Variants in NKD2 observed in about 807,000 individuals in gnomAD.
NKD2 encodes the protein protein naked cuticle homolog 2.
A neutral mutation model predicts 34.8 loss-of-function variants in NKD2; 43 were observed. The observed-to-expected ratio is 1.24, with a 90% confidence interval of 0.97 to 1.60. NKD2 has a LOEUF of 1.60. Ranked by LOEUF, NKD2 falls within the 40% of genes most tolerant of loss-of-function variation. The pLI, the probability that NKD2 is intolerant of heterozygous loss-of-function variation, is 0.00. For missense variants in NKD2, 675 were observed against 627.1 expected, an observed-to-expected ratio of 1.08 and a Z score of -0.82; for synonymous variants, 278 against 265.1, an observed-to-expected ratio of 1.05 and a Z score of -0.47.
chr5:1,031,946 A>G (rs1756659923), intron 3 of NKD2, among the ~76,000 whole-genome samples: 1 of 152,190 alleles, frequency 6.6e-6, no homozygotes, highest in Non-Finnish European at 1.5e-5. Context: ...GAACCTGACA[A>G]CACAGGAATG....
At chr5:1,013,392 A>G (rs1036900702) in intron 3 of NKD2, among the ~76,000 whole-genome samples, 1 of 152,008 alleles carries the variant, frequency 6.6e-6, no homozygotes, top group Admixed American at 6.5e-5. Flanking sequence ...CCGTGTTCCT[A>G]CCCTGGGATG....
chr5:1,037,878 G>T lies in NKD2; in HGVS notation c.861G>T (p.Gln287His). Reference protein sequence around the residue: ...ASHLQARSRSQEPDTHAVHHR... With the variant: ...ASHLQARSRSHEPDTHAVHHR... ...ACCTCCAGGCCCGGTCCCGCTCCCA[G>T]GAGCCAGATACACATGCCGTACACC... is the stretch of plus-strand genomic sequence containing the variant. Residue 287 changes from glutamine to histidine, a missense_variant, in exon 10 of 10, where the codon CAG becomes CAT. Transcript: ENST00000296849. The T allele has an allele frequency of 6.2e-7, 1 of 1,604,652 alleles. No homozygotes were observed.
chr5:1,028,835 A>G lies in NKD2; in HGVS notation c.142-3317A>G, dbSNP rs1043856733. 4.0e-5 allele frequency among the ~76,000 whole-genome samples: 6 copies of G among 150,226 alleles called. No individual in the cohort carries two copies. In the East Asian group the frequency reaches 1.2e-3, roughly 30 times the overall value. On this transcript the variant is annotated intron_variant, in intron 3 of 9. Coordinates refer to ENST00000296849, the MANE Select transcript of NKD2 (RefSeq NM_033120.4). Reference sequence around the variant, plus strand: ...AGTGAGGGTAGGGTGGGTCCTCAGGAGGGCGAGGCCAGGTGGGGGCTGCAT... The same window carrying G: ...AGTGAGGGTAGGGTGGGTCCTCAGGGGGGCGAGGCCAGGTGGGGGCTGCAT...
At position 1,009,420 on chromosome 5, in the gene NKD2, C is replaced by G. The variant is rs1560979975; in HGVS notation, c.62-61C>G. 1.4e-6 allele frequency: 2 copies of G among 1,390,360 alleles called. No homozygotes were observed. Among genetic ancestry groups the G allele is most frequent in the Non-Finnish European group, 9.6e-7 (1 of 1,039,362 alleles). 86.1% of individuals were successfully genotyped at this position (1,390,360 alleles called of 1,614,324 possible). ...GCGAAGGCGCAGCGCCCGCGGGGCTCACGGCGCGTCTCTTTCCCTCCTCGG... is the reference window on the plus strand; with the variant it reads ...GCGAAGGCGCAGCGCCCGCGGGGCTGACGGCGCGTCTCTTTCCCTCCTCGG... On this transcript the variant is annotated intron_variant, in intron 2 of 9. Coordinates refer to ENST00000296849, the MANE Select transcript of NKD2 (RefSeq NM_033120.4). The surrounding 1 kb of genome is among the most constrained non-coding windows in gnomAD (Gnocchi z 6.9).
intron 7 of NKD2, 62 bp from the exon 8 acceptor site, chr5:1,035,327 T>A: frequency 1.6e-6 from 2 of 1,278,694 alleles, no homozygotes; most frequent in East Asian, 2.5e-5. Flanking sequence ...AATGAGTGAA[T>A]GAATGAGTGA....
chr5:1,027,876 G>A (rs552566302), intron 3 of NKD2, among the ~76,000 whole-genome samples: 4 of 152,356 alleles, frequency 2.6e-5, no homozygotes, highest in South Asian at 2.1e-4. Flanking sequence ...TGCCTGCACC[G>A]GCACTTCCAG....
chr5:1,035,050 G>A (rs975067857), intron 7 of NKD2, 147 bp downstream of exon 7: 4 of 719,936 alleles, frequency 5.6e-6, no homozygotes, highest in African/African-American at 5.4e-5. Flanking sequence ...GTAAGTGGGT[G>A]AGTGAGTGAG....
Position 1,032,206 on chromosome 5 carries a change from C to A in NKD2, c.196C>A (p.Leu66Ile), listed in dbSNP as rs1186205534. The change falls in exon 4 of 10, where the codon CTA becomes ATA. Residue 66 changes from leucine (L) to isoleucine (I), a missense_variant. By Grantham distance (5) the Leu-to-Ile change is conservative. Transcript: ENST00000296849. ...GCCTTTCCGGGAGGACCAGTGTCCC[C>A]TACAGGGTGAGTGCAGCTCCCGCAG... ...EGPFREDQCP[L>I]QVALPAEKAE... 6.2e-7 allele frequency: 1 copy of A among 1,609,134 alleles called. No homozygotes were observed.
rs897366376 is a variant in NKD2 at position 1,032,239 on chromosome 5, T to C, written c.202+27T>C. 6.4e-6 allele frequency: 10 copies of C among 1,572,092 alleles called. No homozygotes were observed. The African/African-American group carries it at 9.5e-5, about 15-fold the overall frequency. On this transcript the variant is annotated intron_variant, in intron 4 of 9. Transcript: ENST00000296849. The stretch of plus-strand genomic sequence containing the variant: ...TGAGTGCAGCTCCCGCAGCCCTCCC[T>C]CCCCAAACTCACAGACTTCATCCCG...
At position 1,026,424 on chromosome 5, in the gene NKD2, C is replaced by T. The variant is rs1211591970; in HGVS notation, c.142-5728C>T. ...CGCTGTGGGCGTCCCAGCCCTTTTT[C>T]CCTGCTCTTCCCACCCTCTGTGGGC... On this transcript the variant is annotated intron_variant, in intron 3 of 9. Coordinates refer to ENST00000296849, the MANE Select transcript of NKD2 (RefSeq NM_033120.4). Among the ~76,000 whole-genome samples, 3 of 92,102 alleles carry T rather than the reference C, an allele frequency of 3.3e-5. 1 individual carries two copies. Among genetic ancestry groups the T allele is most frequent in the African/African-American group, 1.2e-4 (3 of 25,014 alleles). The allele number at this position is 92,102 out of a possible 152,430, so 60.4% of individuals were successfully genotyped here.
At chr5:1,015,143 G>A (rs964032659) in intron 3 of NKD2, among the ~76,000 whole-genome samples, 9 of 152,260 alleles carry the variant, frequency 5.9e-5, no homozygotes, top group African/African-American at 2.2e-4. Flanking sequence ...AAGTGCCGGG[G>A]TGCTGCAAGC....
Position 1,036,305 on chromosome 5 carries a change from C to T in NKD2, c.708C>T (p.Cys236=), listed in dbSNP as rs143695972. The T allele has an allele frequency of 4.1e-4, 667 of 1,612,646 alleles. No individual in the cohort carries two copies. The highest frequency in any genetic ancestry group is 5.3e-4 in the Non-Finnish European group (629 of 1,179,714). ...CCTGCTCGGAGCGGGGGCCCTACTG[C>T]GTGGACGAGAACACGGAGCGCAGAA... ...PQPCSERGPY[C]VDENTERRNH... The change falls in exon 9 of 10, where the codon TGC becomes TGT. Residue 236 remains cysteine (C), a synonymous_variant. Coordinates refer to ENST00000296849, the MANE Select transcript of NKD2 (RefSeq NM_033120.4).
At chr5:1,034,717 G>C (rs376087269) in intron 6 of NKD2, 39 bp from the exon 7 acceptor site, 5 of 1,594,670 alleles carry the variant, frequency 3.1e-6, no homozygotes, top group Non-Finnish European at 4.3e-6. Flanking sequence ...GGTGTCCCCT[G>C]GGGTCTGCTC....
intron 3 of NKD2, among the ~76,000 whole-genome samples, chr5:1,017,187 G>T (rs972310027): frequency 1.3e-5 from 2 of 152,092 alleles, no homozygotes; most frequent in African/African-American, 2.4e-5. Context: ...CCCCGGGGAC[G>T]TGGGTAGCTT....
At chr5:1,028,143 G>A (rs1416491014) in intron 3 of NKD2, among the ~76,000 whole-genome samples, 1 of 140,908 alleles carries the variant, frequency 7.1e-6, no homozygotes, top group Non-Finnish European at 1.6e-5. Context: ...CAGGACGGGG[G>A]CTGGGTGCTG....
chr5:1,018,421 G>A (rs972772687), intron 3 of NKD2, among the ~76,000 whole-genome samples: 2 of 152,236 alleles, frequency 1.3e-5, no homozygotes, highest in Non-Finnish European at 2.9e-5. Flanking sequence ...TGTTGAAAGC[G>A]ATTTAGGTTT....
At chr5:1,037,684 A>G in intron 9 of NKD2, 121 bp from the exon 10 acceptor site, 1 of 1,538,396 alleles carries the variant, frequency 6.5e-7, no homozygotes. Flanking sequence ...GACTTGGCTA[A>G]CAGACTGGCC....
At chr5:1,036,517 A>ACCCCCCC in intron 9 of NKD2, 133 bp downstream of exon 9, 1 of 308,500 alleles carries the variant, frequency 3.2e-6, no homozygotes, top group Non-Finnish European at 4.9e-6. Flanking sequence ...CCCCCACCCC[A>ACCCCCCC]CCCCACCCAG....
chr5:1,010,347 G>T (rs1755704108), intron 3 of NKD2, among the ~76,000 whole-genome samples: 1 of 152,174 alleles, frequency 6.6e-6, no homozygotes, highest in South Asian at 2.1e-4. Flanking sequence ...GCCCACACTT[G>T]CCCCTTGCTT....
Sources: allele counts gnomAD v4.1 joint callset (sites outside exome capture counted in the v4.1 genomes callset), GRCh38; gene constraint gnomAD v4.1.1; non-coding constraint Gnocchi (gnomAD v3.1); transcripts MANE v1.5; gene names NCBI Gene and HGNC (gene_info 2026-07-23, HGNC 2026-07-21).